DOCK2: variants seen among roughly 807,000 people sequenced by gnomAD.
The protein encoded by DOCK2 is dedicator of cytokinesis 2.
DOCK2 carries 87 observed loss-of-function variants against 248.9 expected under a neutral mutation model. That is an observed-to-expected ratio of 0.35 (90% confidence interval 0.29 to 0.42). DOCK2 has a LOEUF of 0.42. Among genes scored for constraint, DOCK2 ranks in the 10% least tolerant of loss-of-function variants. The pLI is 1.00. For missense variants in DOCK2, 1,747 were observed against 2,300.2 expected (o/e 0.76, Z 4.92); for synonymous variants, 805 against 821.6 (o/e 0.98, Z 0.35).
intron 26 of DOCK2, among the ~76,000 whole-genome samples, chr5:169,831,132 C>A (rs1048759665): frequency 2.0e-5 from 3 of 151,918 alleles, no homozygotes; most frequent in Non-Finnish European, 4.4e-5. Flanking sequence ...ACATCTGTCC[C>A]TCCTCCCTCC....
intron 27 of DOCK2, chr5:169,980,231 A>G (rs1353409040): frequency 6.6e-6 from 1 of 152,206 alleles, no homozygotes; most frequent in East Asian, 1.9e-4. Flanking sequence ...ATTTTCTCTC[A>G]GAGGATCATC....
chr5:169,928,894 G>A (rs1775608327), intron 27 of DOCK2, among the ~76,000 whole-genome samples: 1 of 152,188 alleles, frequency 6.6e-6, no homozygotes, highest in Admixed American at 6.5e-5. Flanking sequence ...GGGTGTTTCT[G>A]TTCCTGCTTG....
intron 27 of DOCK2, among the ~76,000 whole-genome samples, chr5:169,930,210 T>TCAATCTCCTGACCTTGTGATCC (rs1775679253): frequency 6.6e-6 from 1 of 152,162 alleles, no homozygotes; most frequent in Non-Finnish European, 1.5e-5. Context: ...TAGGATGGTC[T>TCAATCTCCTGACCTTGTGATCC]CAATCTCCTG....
chr5:169,868,240 A>G (rs1414760619), intron 27 of DOCK2, among the ~76,000 whole-genome samples: 2 of 152,218 alleles, frequency 1.3e-5, no homozygotes, highest in African/African-American at 2.4e-5. Flanking sequence ...GAGATAGGTG[A>G]TTAAGTAACA....
At chr5:170,005,529 G>A (rs926717850) in intron 30 of DOCK2, among the ~76,000 whole-genome samples, 6 of 152,150 alleles carry the variant, frequency 3.9e-5, no homozygotes, top group African/African-American at 1.4e-4. Flanking sequence ...TGTGGTGGAT[G>A]CCTCATGCTT....
intron 47 of DOCK2, 152 bp downstream of exon 47, chr5:170,076,236 G>T (rs1757834884): frequency 8.1e-7 from 1 of 1,238,672 alleles, no homozygotes; most frequent in African/African-American, 1.5e-5. Flanking sequence ...CCATCCAGGG[G>T]AACCCTCCTG....
chr5:169,861,649 A>G (rs1343623388), intron 27 of DOCK2, among the ~76,000 whole-genome samples: 1 of 152,238 alleles, frequency 6.6e-6, no homozygotes, highest in Admixed American at 6.5e-5. Context: ...TTTTACAAAG[A>G]AGCAGTGATT....
chr5:169,915,513 A>G (rs155023), intron 27 of DOCK2, among the ~76,000 whole-genome samples: 50,902 of 150,708 alleles, frequency 0.34, 9,899 homozygotes, highest in East Asian at 0.54. Flanking sequence ...CTCATTTCCA[A>G]TTTGCCTGGC....
intron 32 of DOCK2, among the ~76,000 whole-genome samples, chr5:170,011,307 T>C (rs1755283293): frequency 6.6e-6 from 1 of 152,186 alleles, no homozygotes. Flanking sequence ...ATGAGGAAAC[T>C]GAAGTCCATA....
At chr5:169,999,807 G>A (rs1289303108) in intron 30 of DOCK2, among the ~76,000 whole-genome samples, 1 of 152,126 alleles carries the variant, frequency 6.6e-6, no homozygotes, top group African/African-American at 2.4e-5. Flanking sequence ...TTTAATATCA[G>A]CAGGAACAGC....
chr5:169,642,480 G>A (rs1394620518), intron 1 of DOCK2, among the ~76,000 whole-genome samples: 1 of 152,216 alleles, frequency 6.6e-6, no homozygotes, highest in East Asian at 1.9e-4. Flanking sequence ...GGCCTCTCAG[G>A]AGCAATGGGG....
At chr5:169,915,886 A>G (rs188934350) in intron 27 of DOCK2, among the ~76,000 whole-genome samples, 59 of 152,314 alleles carry the variant, frequency 3.9e-4, no homozygotes, top group African/African-American at 1.3e-3. Context: ...AATCTGATTA[A>G]ATGGTATACA....
At chr5:169,739,058 G>T (rs984710486) in intron 22 of DOCK2, among the ~76,000 whole-genome samples, 5 of 152,142 alleles carry the variant, frequency 3.3e-5, no homozygotes, top group Non-Finnish European at 5.9e-5. Flanking sequence ...GGCACCATTA[G>T]CAAGGAAAAT....
chr5:169,840,677 C>G lies in DOCK2; in HGVS notation c.2704-80C>G. The G allele has an allele frequency of 1.9e-5, 25 of 1,293,630 alleles. No homozygotes were observed. The Admixed American group carries it at 4.4e-4, about 23-fold the overall frequency. 80.1% of individuals were successfully genotyped at this position (1,293,630 alleles called of 1,614,324 possible). A position where few individuals can be genotyped will look rare whatever the true frequency, so the allele number is the denominator to read the frequency against. Reference sequence around the variant, plus strand: ...GGTGTTGAAGATCACCATGTCTGACCACTGTTGTCTGTGTCCTTTGTACAA... The same window carrying G: ...GGTGTTGAAGATCACCATGTCTGACGACTGTTGTCTGTGTCCTTTGTACAA... On this transcript the variant is annotated intron_variant, in intron 26 of 51. Coordinates refer to ENST00000520908, the MANE Select transcript of DOCK2 (RefSeq NM_004946.3).
chr5:169,906,374 C>T (rs930444659), intron 27 of DOCK2, among the ~76,000 whole-genome samples: 5 of 152,138 alleles, frequency 3.3e-5, no homozygotes, highest in East Asian at 1.9e-4. Context: ...AGCAAACGGG[C>T]GTTCATCTCA....
Position 170,008,237 on chromosome 5 carries a change from A to ACC in DOCK2, c.3073-260_3073-259insCC, listed in dbSNP as rs1554125564. ...ACAACAACAACAACAAAAAAAAAAA[A>ACC]ACCTAAAATTCTCCTCCTCTCCCAA... On this transcript the variant is annotated intron_variant, in intron 30 of 51. Transcript: ENST00000520908. Among the ~76,000 whole-genome samples, 10 of 146,994 alleles carry ACC rather than the reference A, an allele frequency of 6.8e-5. 1 individual carries two copies. Among genetic ancestry groups the ACC allele is most frequent in the African/African-American group, 2.6e-4 (10 of 38,614 alleles).
chr5:169,918,349 G>A (rs1246543031), intron 27 of DOCK2, among the ~76,000 whole-genome samples: 1 of 152,142 alleles, frequency 6.6e-6, no homozygotes, highest in African/African-American at 2.4e-5. Flanking sequence ...CTTCTGCTCA[G>A]TATCTAACCT....
At chr5:169,999,826 C>T (rs1359368395) in intron 30 of DOCK2, among the ~76,000 whole-genome samples, 1 of 152,168 alleles carries the variant, frequency 6.6e-6, no homozygotes, top group East Asian at 1.9e-4. Flanking sequence ...GCATCCATCA[C>T]TGACTGCTGC....
intron 27 of DOCK2, among the ~76,000 whole-genome samples, chr5:169,888,731 A>G (rs1266056645): frequency 6.6e-6 from 1 of 152,240 alleles, no homozygotes; most frequent in Non-Finnish European, 1.5e-5. Flanking sequence ...AAAACCGCCT[A>G]AACTGGTTGT....
Sources: allele counts gnomAD v4.1 joint callset (sites outside exome capture counted in the v4.1 genomes callset), GRCh38; gene constraint gnomAD v4.1.1; transcripts MANE v1.5; gene names NCBI Gene and HGNC (gene_info 2026-07-23, HGNC 2026-07-21).